Variants in CASP8 observed in about 807,000 individuals in gnomAD.
The protein encoded by CASP8 is caspase 8.
In CASP8, 24 loss-of-function variants were observed where a neutral mutation model predicts 46.3. That is an observed-to-expected ratio of 0.52 (90% CI 0.38 to 0.73). The LOEUF (loss-of-function observed/expected upper bound fraction) is 0.73. Ranked by LOEUF, CASP8 falls within the 30% of genes least tolerant of loss-of-function variation. The pLI, the probability that CASP8 is intolerant of heterozygous loss-of-function variation, is 0.00. For synonymous variants in CASP8, 188 were observed against 200.4 expected (o/e 0.94, Z 0.52); for missense variants, 460 against 559.0 (o/e 0.82, Z 1.79).
At chr2:201,269,414 C>A in intron 2 of CASP8, 1 of 754,896 alleles carries the variant, frequency 1.3e-6, no homozygotes, top group Non-Finnish European at 2.3e-6. Context: ...GGCACTTATT[C>A]ATTAAGGCGC....
rs186612763 is a variant in CASP8, at chr2:201,270,517, G to A, written c.306-999G>A. ...GGTTTATGAAAATAAAAAGGGTACGGACCTGGCCACTAGGGGACTTGAACA... is the reference window on the plus strand; with the variant it reads ...GGTTTATGAAAATAAAAAGGGTACGAACCTGGCCACTAGGGGACTTGAACA... On this transcript the variant is annotated intron_variant, in intron 2 of 8. Transcript: ENST00000673742. 1.9e-3 allele frequency among the ~76,000 whole-genome samples: 293 copies of A among 152,292 alleles called. 1 individual carries two copies. Among genetic ancestry groups the A allele is most frequent in the African/African-American group, 6.9e-3 (288 of 41,564 alleles).
chr2:201,261,855 T>A (rs1247507578), intron 1 of CASP8: 2 of 152,164 alleles, frequency 1.3e-5, no homozygotes, highest in Admixed American at 1.3e-4. Context: ...GCTGCTAGAA[T>A]ATTACTGGAA....
chr2:201,237,085 A>ATTTTTTTTTTTTT (rs34775964), intron 2 of CASP8, among the ~76,000 whole-genome samples: 3 of 88,104 alleles, frequency 3.4e-5, no homozygotes, highest in African/African-American at 4.6e-5. Context: ...ACCCCTTTCT[A>ATTTTTTTTTTTTT]TTTTTTTTTT....
At chr2:201,264,148 T>C (rs1208111752) in intron 1 of CASP8, among the ~76,000 whole-genome samples, 2 of 152,226 alleles carry the variant, frequency 1.3e-5, no homozygotes, top group African/African-American at 2.4e-5. Context: ...AGTAGCCAAA[T>C]AGAGTTCCCT....
intron 2 of CASP8, among the ~76,000 whole-genome samples, chr2:201,270,308 C>T (rs7605819): frequency 0.06 from 9,207 of 152,220 alleles, 498 homozygotes; most frequent in South Asian, 0.15. Flanking sequence ...TTCACATAAA[C>T]TTATTTGTGT....
intron 1 of CASP8, among the ~76,000 whole-genome samples, chr2:201,265,216 A>G (rs548867146): frequency 6.6e-6 from 1 of 152,274 alleles, no homozygotes; most frequent in East Asian, 1.9e-4. Flanking sequence ...GGAGGCCATT[A>G]TTCTAGGTAA....
intron 2 of CASP8, among the ~76,000 whole-genome samples, chr2:201,237,606 CA>C (rs1946112665): frequency 6.6e-6 from 1 of 152,144 alleles, no homozygotes; most frequent in Non-Finnish European, 1.5e-5. Context: ...GAAGAATTCA[CA>C]AGTTGTAAAT....
upstream of CASP8, among the ~76,000 whole-genome samples, chr2:201,256,532 C>A (rs1947026532): frequency 1.3e-5 from 2 of 152,216 alleles, no homozygotes; most frequent in Non-Finnish European, 2.9e-5. Context: ...CCTTTATGCA[C>A]CAGTCACTAT....
chr2:201,241,042 T>G (rs1426509969), intron 2 of CASP8: 1 of 152,144 alleles, frequency 6.6e-6, no homozygotes, highest in African/African-American at 2.4e-5. Context: ...AAAGAAGTAC[T>G]AAGAGGTACT....
Position 201,272,268 on chromosome 2 carries a change from G to A in CASP8, c.412-370G>A, listed in dbSNP as rs528191603. On this transcript the variant is annotated intron_variant, in intron 3 of 8. Transcript: ENST00000673742. The surrounding 1 kb of genome is among the most constrained non-coding windows in gnomAD (Gnocchi z 4.4). ...TGTCTGTGTGTCTGTATGTACTCAG[G>A]TCTGGAGAGGCAATGCTGGGGGTGA... Among the ~76,000 whole-genome samples, 8 of 152,096 alleles carry A rather than the reference G, an allele frequency of 5.3e-5. No homozygotes were observed. Among genetic ancestry groups the A allele is most frequent in the African/African-American group, 1.2e-4 (5 of 41,502 alleles).
intron 2 of CASP8, among the ~76,000 whole-genome samples, chr2:201,234,544 G>A (rs966626171): frequency 2.0e-5 from 3 of 151,998 alleles, no homozygotes; most frequent in Non-Finnish European, 4.4e-5. Context: ...CCGCCTCCCG[G>A]GTTCAGGTGA....
Position 201,260,628 on chromosome 2 carries a change from CT to C in CASP8, c.-27+18del, listed in dbSNP as rs1461781922. The stretch of plus-strand genomic sequence containing the variant: ...GTGAGAGTAAGGTAAGGATTTGCCT[CT>C]TTGTTAAGGTCAGAGGGGCCTTTTG... On this transcript the variant is annotated intron_variant, in intron 1 of 8. Transcript: ENST00000673742. The C allele has an allele frequency of 1.1e-6, 1 of 935,470 alleles. No homozygotes were observed. The highest frequency in any genetic ancestry group is 1.2e-4 in the East Asian group (1 of 8,576). 57.9% of individuals were successfully genotyped at this position (935,470 alleles called of 1,614,324 possible).
intron 2 of CASP8, among the ~76,000 whole-genome samples, chr2:201,268,722 C>A (rs574151097): frequency 6.5e-4 from 99 of 152,204 alleles, no homozygotes; most frequent in African/African-American, 2.4e-3. Context: ...TAAGAGGCTC[C>A]GAGGAATAAT....
upstream of CASP8, among the ~76,000 whole-genome samples, chr2:201,259,850 C>G (rs973049214): frequency 2.0e-5 from 3 of 151,684 alleles, no homozygotes; most frequent in African/African-American, 7.3e-5. Context: ...GATGGACTTA[C>G]CATCTTACCA....
Position 201,286,685 on chromosome 2 carries a change from G to A in CASP8, c.*91G>A, listed in dbSNP as rs552034853. The stretch of plus-strand genomic sequence containing the variant: ...GGCTGGAGTGCAGTGGCGTGATCTC[G>A]GCTCACCGCAAGCTCCGCCTCCCGG... On this transcript the variant is annotated 3_prime_UTR_variant, in exon 9 of 9. Coordinates refer to ENST00000673742, the MANE Select transcript of CASP8 (RefSeq NM_001372051.1). The A allele has an allele frequency of 9.0e-5, 102 of 1,131,264 alleles. No individual in the cohort carries two copies. The African/African-American group carries it at 1.2e-3, about 14-fold the overall frequency. 70.1% of individuals were successfully genotyped at this position (1,131,264 alleles called of 1,614,324 possible).
At position 201,234,461 on chromosome 2, in the gene CASP8, T is replaced by TA. The variant is rs373973805; in HGVS notation, c.-27+349_-27+350insA. On this transcript the variant is annotated intron_variant, in intron 2 of 6. Transcript: ENST00000264274. ...GTGAAAAGTTATTCTTTTTTATTTT[T>TA]TTTTTTGAGAGGGAGTCTTGCTCTG... Among the ~76,000 whole-genome samples the TA allele has an allele frequency of 1.5e-3, 235 of 152,256 alleles. 3 individuals are homozygous for TA. Among genetic ancestry groups the TA allele is most frequent in the African/African-American group, 5.5e-3 (230 of 41,546 alleles).
At position 201,253,293 on chromosome 2, in the gene CASP8, CTTTTTTTTTTTT is replaced by C. The variant is rs34341476; in HGVS notation, c.-26-13149_-26-13138del. ...TGTGAGCCACTGCACCTAGCCTGAT[CTTTTTTTTTTTT>C]TTTTTTTTTTTTTTTTTTAAGAAAC... On this transcript the variant is annotated intron_variant, in intron 2 of 6. Transcript: ENST00000264274. Among the ~76,000 whole-genome samples the C allele has an allele frequency of 5.7e-3, 386 of 67,966 alleles. 4 individuals are homozygous for C. Among genetic ancestry groups the C allele is most frequent in the Non-Finnish European group, 8.3e-3 (319 of 38,380 alleles). The allele number at this position is 67,966 out of a possible 152,430, so 44.6% of individuals were successfully genotyped here.
intron 6 of CASP8, 62 bp downstream of exon 6, chr2:201,275,015 GC>G: frequency 8.5e-7 from 1 of 1,182,648 alleles, no homozygotes; most frequent in Admixed American, 2.2e-5. Context: ...TAATTTGTTA[GC>G]TTTTTTTTTT....
At chr2:201,239,353 G>A (rs1200506394) in intron 2 of CASP8, among the ~76,000 whole-genome samples, 1 of 152,050 alleles carries the variant, frequency 6.6e-6, no homozygotes, top group East Asian at 1.9e-4. Flanking sequence ...GCCGGGCAGA[G>A]GCGCCCCTCA....
Sources: allele counts gnomAD v4.1 joint callset (sites outside exome capture counted in the v4.1 genomes callset), GRCh38; gene constraint gnomAD v4.1.1; non-coding constraint Gnocchi (gnomAD v3.1); transcripts MANE v1.5; gene names NCBI Gene and HGNC (gene_info 2026-07-23, HGNC 2026-07-21).